The following PEMT variants were observed in gnomAD, a reference collection of about 807,000 sequenced individuals.
PEMT encodes phospholipid methyltransferase.
PEMT carries 23 observed loss-of-function variants against 27.4 expected under a neutral mutation model. The ratio of observed to expected loss-of-function variants is 0.84; its 90% CI spans 0.60 to 1.19. The LOEUF (loss-of-function observed/expected upper bound fraction) is 1.19, where lower values mean the gene tolerates loss of function less well. Ranked by LOEUF, PEMT falls within the 50% of genes most tolerant of loss-of-function variation. The probability of loss-of-function intolerance (pLI) is 0.00; values close to 1 mark genes in which losing one functional copy is unlikely to be tolerated. For synonymous variants in PEMT, 137 were observed against 139.1 expected (o/e 0.98, Z 0.11); for missense variants, 307 against 310.1 (o/e 0.99, Z 0.07).
intron 2 of PEMT, among the ~76,000 whole-genome samples, chr17:17,556,307 G>A (rs1910047171): frequency 6.6e-6 from 1 of 152,152 alleles, no homozygotes; most frequent in Admixed American, 6.5e-5. Context: ...CCAGCAAACT[G>A]GATGCTCAGC....
rs760335760 is a variant in PEMT at position 17,561,233 on chromosome 17, G to A, written c.204+15687C>T. 6.6e-5 allele frequency among the ~76,000 whole-genome samples: 10 copies of A among 152,158 alleles called. No homozygotes were observed. The highest frequency in any genetic ancestry group is 6.5e-4 in the Admixed American group (10 of 15,278). ...TCAACTCTGCCTGGCTCCCTGTGCT[G>A]CACACGGAGTGTGTCACATCCTCAC... On this transcript the variant is annotated intron_variant, in intron 2 of 6. Coordinates refer to ENST00000255389, the MANE Select transcript of PEMT (RefSeq NM_148172.3). This position sits in a 1 kb window ranked among gnomAD's most constrained non-coding sequence, Gnocchi z 4.5.
chr17:17,510,635 A>G (rs1428092838), intron 4 of PEMT, among the ~76,000 whole-genome samples: 4 of 152,198 alleles, frequency 2.6e-5, no homozygotes, highest in African/African-American at 9.7e-5. Context: ...GCAGGAAGTG[A>G]CCACCTTTGC....
At chr17:17,543,769 GC>G (rs1909054311) in intron 2 of PEMT, among the ~76,000 whole-genome samples, 1 of 152,180 alleles carries the variant, frequency 6.6e-6, no homozygotes, top group Non-Finnish European at 1.5e-5. Flanking sequence ...CACCATGTTG[GC>G]CAGGCTGGTC....
chr17:17,580,733 C>A (rs949096092), intron 1 of PEMT, among the ~76,000 whole-genome samples: 3 of 152,150 alleles, frequency 2.0e-5, no homozygotes, highest in African/African-American at 7.2e-5. Context: ...CCTGGCCTCA[C>A]CCTACCCCTC....
chr17:17,534,683 A>G (rs1908331261), intron 2 of PEMT, among the ~76,000 whole-genome samples: 1 of 152,184 alleles, frequency 6.6e-6, no homozygotes, highest in Admixed American at 6.5e-5. Context: ...ACAAAAATAA[A>G]AACATTAGCC....
chr17:17,522,456 G>T, intron 2 of PEMT, 61 bp from the exon 3 acceptor site: 3 of 1,027,498 alleles, frequency 2.9e-6, no homozygotes, highest in East Asian at 2.5e-5. Flanking sequence ...GGGTGGGGGT[G>T]GGGAGCACAT....
chr17:17,546,725 C>A (rs1469040461), intron 2 of PEMT, among the ~76,000 whole-genome samples: 3 of 152,240 alleles, frequency 2.0e-5, no homozygotes, highest in Non-Finnish European at 4.4e-5. Context: ...GAGGCTGGGA[C>A]AAGGTGGGGC....
chr17:17,558,463 G>A (rs1597931026), intron 2 of PEMT, among the ~76,000 whole-genome samples: 2 of 151,694 alleles, frequency 1.3e-5, no homozygotes, highest in Admixed American at 6.6e-5. Context: ...AGCTGAGATC[G>A]TGCCATTGTA....
chr17:17,506,519 CATT>C (rs1424158571), intron 5 of PEMT, among the ~76,000 whole-genome samples: 4 of 152,224 alleles, frequency 2.6e-5, no homozygotes, highest in African/African-American at 7.2e-5. Context: ...CATTTATCAT[CATT>C]GTCTGCCTGT....
rs1467651852 is a variant in PEMT, at chr17:17,509,873, C to T, written c.467-328G>A. ...TGTTCCCTCCCCTGCGATGCCTTTC[C>T]CTGCTCTCTGTACAGAGAGCGCCTT... is the stretch of plus-strand genomic sequence containing the variant. On this transcript the variant is annotated intron_variant, in intron 4 of 6. Transcript: ENST00000255389. Among the ~76,000 whole-genome samples, 5 of 152,172 alleles carry T rather than the reference C, an allele frequency of 3.3e-5. No homozygotes were observed. In the East Asian group the frequency reaches 7.7e-4, roughly 23 times the overall value.
At chr17:17,533,873 G>T (rs1466611318) in intron 2 of PEMT, among the ~76,000 whole-genome samples, 1 of 152,080 alleles carries the variant, frequency 6.6e-6, no homozygotes, top group Admixed American at 6.5e-5. Flanking sequence ...TGGGATTACA[G>T]GTGCATGCCA....
At position 17,522,292 on chromosome 17, in the gene PEMT, A is replaced by C; in HGVS notation, c.308T>G (p.Leu103Arg). 1 of 1,612,310 alleles carries C rather than the reference A, an allele frequency of 6.2e-7. No individual in the cohort carries two copies. Among genetic ancestry groups the C allele is most frequent in the Non-Finnish European group, 8.5e-7 (1 of 1,178,320 alleles). The change falls in exon 3 of 7, where the codon CTG becomes CGG. Residue 103 changes from leucine to arginine, a missense_variant. Coordinates refer to ENST00000255389, the MANE Select transcript of PEMT (RefSeq NM_148172.3). ...LSVTILLLNF[L>R]RSHCFTQAML... ...GAGCTGTGCTTACCAGTGCGAGCGC[A>C]GGAAGTTCAGGAGCAGGATGGTGAC...
intron 2 of PEMT, among the ~76,000 whole-genome samples, chr17:17,545,676 C>T (rs1304445053): frequency 1.3e-5 from 2 of 152,222 alleles, no homozygotes; most frequent in East Asian, 1.9e-4. Context: ...CTTTTGCCTG[C>T]TTCCAAACTT....
chr17:17,537,933 C>T (rs1449740923), intron 2 of PEMT, among the ~76,000 whole-genome samples: 1 of 152,264 alleles, frequency 6.6e-6, no homozygotes, highest in Non-Finnish European at 1.5e-5. Flanking sequence ...ACCTCATCCT[C>T]ACGTCCAACC....
intron 2 of PEMT, among the ~76,000 whole-genome samples, chr17:17,559,580 G>A (rs1341804145): frequency 6.6e-6 from 1 of 152,242 alleles, no homozygotes; most frequent in Non-Finnish European, 1.5e-5. Flanking sequence ...CCAAAGGCTG[G>A]TGGGGCCAGA....
At chr17:17,517,061 T>C (rs1201165635) in intron 3 of PEMT, among the ~76,000 whole-genome samples, 1 of 152,210 alleles carries the variant, frequency 6.6e-6, no homozygotes. Context: ...AGCTGCCTGC[T>C]GTGCTGCGGG....
chr17:17,518,160 T>C, intron 3 of PEMT: 1 of 985,376 alleles, frequency 1.0e-6, no homozygotes, highest in Non-Finnish European at 1.2e-6. Context: ...CCGTGACTGG[T>C]GAACGACACC....
chr17:17,513,192 G>A lies in PEMT; in HGVS notation c.321-538C>T, dbSNP rs1471277938. On this transcript the variant is annotated intron_variant, in intron 3 of 6. Coordinates refer to ENST00000255389, the MANE Select transcript of PEMT (RefSeq NM_148172.3). This position sits in a 1 kb window ranked among gnomAD's most constrained non-coding sequence, Gnocchi z 4.1. ...GCCCCTGTGGGTCTGGCCACATCCTGGGTGGCTTGACTTGCATTTAAAGGC... is the reference window on the plus strand; with the variant it reads ...GCCCCTGTGGGTCTGGCCACATCCTAGGTGGCTTGACTTGCATTTAAAGGC... Among the ~76,000 whole-genome samples, 1 of 152,234 alleles carries A rather than the reference G, an allele frequency of 6.6e-6. No individual in the cohort carries two copies. Among genetic ancestry groups the A allele is most frequent in the Non-Finnish European group, 1.5e-5 (1 of 68,042 alleles).
Position 17,576,986 on chromosome 17 carries a change from G to C in PEMT, c.138C>G (p.Asp46Glu). ...CAGCCACAAAGCTGGGATCCAGGGG[G>C]TCCACGTAGCCCAGCAGCCGGGTCA... ...CVMTRLLGYV[D>E]PLDPSFVAAV... Residue 46 changes from aspartate (D) to glutamate (E), a missense_variant, in exon 2 of 7, where the codon GAC becomes GAG. Transcript: ENST00000255389. The C allele has an allele frequency of 6.2e-7, 1 of 1,614,106 alleles. No homozygotes were observed. Among genetic ancestry groups the C allele is most frequent in the Non-Finnish European group, 8.5e-7 (1 of 1,180,014 alleles).
Sources: allele counts gnomAD v4.1 joint callset (sites outside exome capture counted in the v4.1 genomes callset), GRCh38; gene constraint gnomAD v4.1.1; non-coding constraint Gnocchi (gnomAD v3.1); transcripts MANE v1.5; gene names NCBI Gene and HGNC (gene_info 2026-07-23, HGNC 2026-07-21).